Variants in TMEM184A observed in about 807,000 individuals in gnomAD.
TMEM184A encodes sexually dimorphic, expressed in male gonads 1.
In TMEM184A, 40 loss-of-function variants were observed where a neutral mutation model predicts 39.5. The ratio of observed to expected loss-of-function variants is 1.01; its 90% CI spans 0.79 to 1.32. The LOEUF (loss-of-function observed/expected upper bound fraction) is 1.32, where lower values mean the gene tolerates loss of function less well. Ranked by LOEUF, TMEM184A falls within the 40% of genes most tolerant of loss-of-function variation. The pLI, the probability that TMEM184A is intolerant of heterozygous loss-of-function variation, is 0.00. For synonymous variants in TMEM184A, 280 were observed against 252.3 expected (o/e 1.11, Z -1.04); for missense variants, 603 against 568.8 (o/e 1.06, Z -0.61).
chr7:1,555,590 A>G lies in TMEM184A; in HGVS notation c.1-106T>C. 1.2e-6 allele frequency: 1 copy of G among 844,872 alleles called. No homozygotes were observed. The highest frequency in any genetic ancestry group is 1.9e-6 in the Non-Finnish European group (1 of 515,546). 52.3% of individuals were successfully genotyped at this position (844,872 alleles called of 1,614,324 possible). A position where few individuals can be genotyped will look rare whatever the true frequency, so the allele number is the denominator to read the frequency against. Reference sequence around the variant, plus strand: ...GGAGGAGACAGTGAGACGGGAGCTGAGGCTGAGCCACCCACCAGGCCGCAC... The same window carrying G: ...GGAGGAGACAGTGAGACGGGAGCTGGGGCTGAGCCACCCACCAGGCCGCAC... On this transcript the variant is annotated intron_variant, in intron 1 of 8. Coordinates refer to ENST00000297477, the MANE Select transcript of TMEM184A (RefSeq NM_001097620.2). The surrounding 1 kb of genome is among the most constrained non-coding windows in gnomAD (Gnocchi z 5.2).
At position 1,547,191 on chromosome 7, in the gene TMEM184A, G is replaced by A. The variant is rs750468390; in HGVS notation, c.1013-10C>T. On this transcript the variant is annotated splice_polypyrimidine_tract_variant and intron_variant, in intron 8 of 8. Coordinates refer to ENST00000297477, the MANE Select transcript of TMEM184A (RefSeq NM_001097620.2). ...ATGGGTGCCGGGGGGGCTGGGGGAG[G>A]GCAGTGTATGAGCCCCACCATCCCC... The A allele has an allele frequency of 2.0e-6, 3 of 1,507,686 alleles. No homozygotes were observed. Among genetic ancestry groups the A allele is most frequent in the Non-Finnish European group, 2.7e-6 (3 of 1,098,498 alleles). The allele number at this position is 1,507,686 out of a possible 1,614,324, so 93.4% of individuals were successfully genotyped here.
At chr7:1,549,768 A>C in intron 6 of TMEM184A, 86 bp downstream of exon 6, 1 of 1,279,748 alleles carries the variant, frequency 7.8e-7, no homozygotes, top group Non-Finnish European at 1.1e-6. Flanking sequence ...GCTGGACGCC[A>C]AGTCCGCCTC....
chr7:1,552,788 C>T (rs1784652688), intron 2 of TMEM184A, among the ~76,000 whole-genome samples: 1 of 152,170 alleles, frequency 6.6e-6, no homozygotes. Context: ...GGCACGGTGG[C>T]CCACGCCTGT....
intron 6 of TMEM184A, 64 bp downstream of exon 6, chr7:1,549,790 C>T (rs1485233382): frequency 6.8e-7 from 1 of 1,468,508 alleles, no homozygotes; most frequent in Non-Finnish European, 9.2e-7. Flanking sequence ...TTGGGCCCCA[C>T]TCCCGGGCCC....
At position 1,555,661 on chromosome 7, in the gene TMEM184A, G is replaced by C; in HGVS notation, c.1-177C>G. The C allele has an allele frequency of 1.6e-6, 1 of 645,034 alleles. No individual in the cohort carries two copies. The allele number at this position is 645,034 out of a possible 1,614,324, so 40.0% of individuals were successfully genotyped here. On this transcript the variant is annotated intron_variant, in intron 1 of 8. Coordinates refer to ENST00000297477, the MANE Select transcript of TMEM184A (RefSeq NM_001097620.2). This position sits in a 1 kb window ranked among gnomAD's most constrained non-coding sequence, Gnocchi z 5.2. ...CCAGGCCCGGCTCCCTCCCTGCTCC[G>C]AGCTCAGCCATCGAAGCTCACCCAT... is the stretch of plus-strand genomic sequence containing the variant.
chr7:1,554,650 G>T (rs1378686614), intron 2 of TMEM184A, among the ~76,000 whole-genome samples: 1 of 152,194 alleles, frequency 6.6e-6, no homozygotes, highest in Non-Finnish European at 1.5e-5. Flanking sequence ...CCCCTGCCTG[G>T]CCCTTCCTTG....
In TMEM184A at chr7:1,543,410, G is replaced by C. The variant is rs1784249732; in HGVS notation, c.*3542C>G. ...GGAGACATCTCGCCCAGCTTTGCTG[G>C]ACTCTCAGAGGAGCCTGCAGGAAGC... On this transcript the variant is annotated 3_prime_UTR_variant, in exon 9 of 9. Transcript: ENST00000297477. 1 of 152,332 alleles carries C rather than the reference G, an allele frequency of 6.6e-6. No individual in the cohort carries two copies. Among genetic ancestry groups the C allele is most frequent in the African/African-American group, 2.4e-5 (1 of 41,454 alleles). 9.4% of individuals were successfully genotyped at this position (152,332 alleles called of 1,614,324 possible). A position where few individuals can be genotyped will look rare whatever the true frequency, so the allele number is the denominator to read the frequency against.
At chr7:1,548,324 CCCACTCCCCCGTGCTGGCGGGACCTCT>C (rs1278731153) in intron 7 of TMEM184A, among the ~76,000 whole-genome samples, 168 bp downstream of exon 7, 1 of 152,102 alleles carries the variant, frequency 6.6e-6, no homozygotes, top group African/African-American at 2.4e-5. Flanking sequence ...GCGGGACCTC[CCCACTCCCCCGTGCTGGCGGGACCTCT>C]CCACTCCCTC....
rs971313323 is a variant in TMEM184A at position 1,544,671 on chromosome 7, G to C, written c.*2281C>G. The C allele has an allele frequency of 6.6e-6, 1 of 152,258 alleles. No individual in the cohort carries two copies. The highest frequency in any genetic ancestry group is 2.4e-5 in the African/African-American group (1 of 41,460). The allele number at this position is 152,258 out of a possible 1,614,324, so 9.4% of individuals were successfully genotyped here. A position where few individuals can be genotyped will look rare whatever the true frequency, so the allele number is the denominator to read the frequency against. On this transcript the variant is annotated 3_prime_UTR_variant, in exon 9 of 9. Coordinates refer to ENST00000297477, the MANE Select transcript of TMEM184A (RefSeq NM_001097620.2). ...CAGGGCTTTCCTTCGAGTCGTGTTGGAAAGAAGCAGAAGCAGCCTCACCCG... is the reference window on the plus strand; with the variant it reads ...CAGGGCTTTCCTTCGAGTCGTGTTGCAAAGAAGCAGAAGCAGCCTCACCCG...
At position 1,555,693 on chromosome 7, in the gene TMEM184A, C is replaced by T. The variant is rs1778537030; in HGVS notation, c.1-209G>A. 6.6e-6 allele frequency among the ~76,000 whole-genome samples: 1 copy of T among 152,204 alleles called. No individual in the cohort carries two copies. Among genetic ancestry groups the T allele is most frequent in the Admixed American group, 6.5e-5 (1 of 15,282 alleles). On this transcript the variant is annotated intron_variant, in intron 1 of 8. Coordinates refer to ENST00000297477, the MANE Select transcript of TMEM184A (RefSeq NM_001097620.2). The surrounding 1 kb of genome is among the most constrained non-coding windows in gnomAD (Gnocchi z 5.2). Reference sequence around the variant, plus strand: ...GCCATCGAAGCTCACCCATCAACCACCTGCGACCTGAGGGTCCCACCTCAA... The same window carrying T: ...GCCATCGAAGCTCACCCATCAACCATCTGCGACCTGAGGGTCCCACCTCAA...
chr7:1,555,153 T>TC lies in TMEM184A; in HGVS notation c.219+112dup. ...ATCCCCTCCCCCGTGCCCTGGCCGA[T>TC]CCCACTTCTGACAGCGTCTATAGCA... is the stretch of plus-strand genomic sequence containing the variant. On this transcript the variant is annotated intron_variant, in intron 2 of 8. Coordinates refer to ENST00000297477, the MANE Select transcript of TMEM184A (RefSeq NM_001097620.2). This position sits in a 1 kb window ranked among gnomAD's most constrained non-coding sequence, Gnocchi z 5.2. 4 of 891,776 alleles carry TC rather than the reference T, an allele frequency of 4.5e-6. No homozygotes were observed. The East Asian group carries it at 1.2e-4, about 26-fold the overall frequency. The allele number at this position is 891,776 out of a possible 1,614,324, so 55.2% of individuals were successfully genotyped here. A position where few individuals can be genotyped will look rare whatever the true frequency, so the allele number is the denominator to read the frequency against.
At chr7:1,549,237 G>A (rs1387832274) in intron 6 of TMEM184A, 11 of 445,244 alleles carry the variant, frequency 2.5e-5, no homozygotes, top group East Asian at 1.4e-4. Context: ...TGTGATGCAC[G>A]TGTGTGATGT....
Position 1,550,208 on chromosome 7 carries a change from A to T in TMEM184A, c.477-10T>A. 6.2e-7 allele frequency: 1 copy of T among 1,606,170 alleles called. No individual in the cohort carries two copies. Among genetic ancestry groups the T allele is most frequent in the South Asian group, 1.1e-5 (1 of 90,276 alleles). ...GTACAAGCAGCTGGACCTGCGGGGG[A>T]CGTCCCTGAGCCGGTGCGGGAGAAT... On this transcript the variant is annotated splice_polypyrimidine_tract_variant and intron_variant, in intron 4 of 8. Transcript: ENST00000297477.
Position 1,549,421 on chromosome 7 carries a change from G to A in TMEM184A, c.644+433C>T, listed in dbSNP as rs778365961. On this transcript the variant is annotated intron_variant, in intron 6 of 8. Coordinates refer to ENST00000297477, the MANE Select transcript of TMEM184A (RefSeq NM_001097620.2). ...AGCCAACAGGTCGGGGTGGACCTTG[G>A]TCCCCTTGGCCCAGGTGCCCTTAAT... 51 of 351,316 alleles carry A rather than the reference G, an allele frequency of 1.5e-4. 1 individual carries two copies. The highest frequency in any genetic ancestry group is 5.8e-4 in the Middle Eastern group (1 of 1,712). The allele number at this position is 351,316 out of a possible 1,614,324, so 21.8% of individuals were successfully genotyped here. A position where few individuals can be genotyped will look rare whatever the true frequency, so the allele number is the denominator to read the frequency against.
chr7:1,547,945 G>T lies in TMEM184A; in HGVS notation c.815-6C>A, dbSNP rs778217399. 3.2e-6 allele frequency: 5 copies of T among 1,560,952 alleles called. No homozygotes were observed. In the East Asian group the frequency reaches 1.2e-4, roughly 38 times the overall value. ...CAGGATGGCCAGCAGCAGCCCTGCG[G>T]ACGCCACGGCCGCTCAGCCCCAGCC... On this transcript the variant is annotated splice_region_variant and splice_polypyrimidine_tract_variant and intron_variant, in intron 7 of 8. Coordinates refer to ENST00000297477, the MANE Select transcript of TMEM184A (RefSeq NM_001097620.2).
chr7:1,547,876 T>C lies in TMEM184A; in HGVS notation c.878A>G (p.Asn293Ser), dbSNP rs753612710. The C allele has an allele frequency of 8.1e-6, 13 of 1,600,150 alleles. No individual in the cohort carries two copies. The Admixed American group carries it at 2.1e-4, about 25-fold the overall frequency. ...VIPEVETSGG[N>S]KLGAGTLAAG... ...GGCCAGCGTGCCAGCCCCCAGCTTG[T>C]TCCCGCCGCTGGTCTCCACCTCCGG... Residue 293 changes from asparagine (N) to serine (S), a missense_variant, in exon 8 of 9, where the codon AAC becomes AGC. Asn to Ser is a conservative substitution (Grantham distance 46). Coordinates refer to ENST00000297477, the MANE Select transcript of TMEM184A (RefSeq NM_001097620.2).
In TMEM184A at chr7:1,547,010, C is replaced by G; in HGVS notation, c.1184G>C (p.Gly395Ala). 6.4e-7 allele frequency: 1 copy of G among 1,553,114 alleles called. No individual in the cohort carries two copies. Among genetic ancestry groups the G allele is most frequent in the South Asian group, 1.1e-5 (1 of 89,230 alleles). Residue 395 changes from glycine (G) to alanine (A), a missense_variant, in exon 9 of 9, where the codon GGG becomes GCG. Coordinates refer to ENST00000297477, the MANE Select transcript of TMEM184A (RefSeq NM_001097620.2). The stretch of plus-strand genomic sequence containing the variant: ...CTCCAGGCTCCGGCTCTTCCTGCTC[C>G]CGCCGGAGCCGCCGCTGGGGTGGGT... ...PGTHPSGGSG[G>A]SRKSRSLEKR...
intron 7 of TMEM184A, 65 bp from the exon 8 acceptor site, chr7:1,548,004 A>G (rs753456010): frequency 2.9e-4 from 432 of 1,505,300 alleles, no homozygotes; most frequent in Middle Eastern, 6.9e-4. Flanking sequence ...AAGAGGCCCC[A>G]GACCCCGCAG....
In TMEM184A at chr7:1,555,620, C is replaced by G. The variant is rs940295268; in HGVS notation, c.1-136G>C. 2.0e-5 allele frequency: 14 copies of G among 707,686 alleles called. No individual in the cohort carries two copies. The highest frequency in any genetic ancestry group is 3.0e-5 in the South Asian group (2 of 65,588). The allele number at this position is 707,686 out of a possible 1,614,324, so 43.8% of individuals were successfully genotyped here. A position where few individuals can be genotyped will look rare whatever the true frequency, so the allele number is the denominator to read the frequency against. The stretch of plus-strand genomic sequence containing the variant: ...GAGCCACCCACCAGGCCGCACCCCC[C>G]ACACGGACACCAGCGCCAGGCCCGG... On this transcript the variant is annotated intron_variant, in intron 1 of 8. Coordinates refer to ENST00000297477, the MANE Select transcript of TMEM184A (RefSeq NM_001097620.2). This position sits in a 1 kb window ranked among gnomAD's most constrained non-coding sequence, Gnocchi z 5.2.
Sources: allele counts gnomAD v4.1 joint callset (sites outside exome capture counted in the v4.1 genomes callset), GRCh38; gene constraint gnomAD v4.1.1; non-coding constraint Gnocchi (gnomAD v3.1); transcripts MANE v1.5; gene names NCBI Gene and HGNC (gene_info 2026-07-23, HGNC 2026-07-21).